The following PLEKHG1 variants were observed in gnomAD, a reference collection of about 807,000 sequenced individuals.
PLEKHG1 encodes pleckstrin homology and RhoGEF domain containing G1.
Under a neutral mutation model 100.8 loss-of-function variants are expected in PLEKHG1, and 44 were observed. That is an observed-to-expected ratio of 0.44 (90% CI 0.34 to 0.56). The LOEUF (loss-of-function observed/expected upper bound fraction) is 0.56, where lower values mean the gene tolerates loss of function less well. PLEKHG1 is among the 20% of genes least tolerant of loss of function. The pLI is 0.01. For synonymous variants in PLEKHG1, 640 were observed against 662.5 expected (o/e 0.97, Z 0.52); for missense variants, 1,545 against 1,720.9 (o/e 0.90, Z 1.81).
rs1256766419 is a variant in PLEKHG1, at chr6:150,674,871, T to TG, written c.-99+24089dup. On this transcript the variant is annotated intron_variant, in intron 3 of 3. Transcript: ENST00000367326. ...CTAATTTTTGTATTTTTAGTAGAGA[T>TG]GGGGTTTCGCCATGTTGGCCAGGCT... Among the ~76,000 whole-genome samples, 3 of 152,028 alleles carry TG rather than the reference T, an allele frequency of 2.0e-5. No individual in the cohort carries two copies. In the South Asian group the frequency reaches 6.3e-4, roughly 32 times the overall value.
At chr6:150,614,204 C>T (rs1471493558) in intron 1 of PLEKHG1, among the ~76,000 whole-genome samples, 1 of 152,176 alleles carries the variant, frequency 6.6e-6, no homozygotes, top group Non-Finnish European at 1.5e-5. Flanking sequence ...TGCTGTAGAG[C>T]TAACACCTTT....
intron 3 of PLEKHG1, among the ~76,000 whole-genome samples, chr6:150,779,368 C>T (rs1785183520): frequency 1.6e-5 from 1 of 64,254 alleles, no homozygotes; most frequent in African/African-American, 2.0e-4. Context: ...TTTTTTGAGA[C>T]AGAGTCTCGT....
intron 3 of PLEKHG1, among the ~76,000 whole-genome samples, chr6:150,773,936 CTT>C (rs1353181635): frequency 6.6e-6 from 1 of 152,016 alleles, no homozygotes; most frequent in East Asian, 1.9e-4. Flanking sequence ...ACTTTTAAAA[CTT>C]TATTCCTAGA....
chr6:150,701,439 ATATATATATATATATATATATATAT>A lies in PLEKHG1; in HGVS notation c.-98-32144_-98-32120del, dbSNP rs1780775889. Among the ~76,000 whole-genome samples the A allele has an allele frequency of 4.3e-5, 3 of 69,764 alleles. No individual in the cohort carries two copies. In the African/African-American group the frequency reaches 4.5e-4, roughly 10 times the overall value. 45.8% of individuals were successfully genotyped at this position (69,764 alleles called of 152,430 possible). A position where few individuals can be genotyped will look rare whatever the true frequency, so the allele number is the denominator to read the frequency against. The stretch of plus-strand genomic sequence containing the variant: ...TCTTTATATATATATATATATATAT[ATATATATATATATATATATATATAT>A]ATAATTATACTTTAAGTTCTAGGGT... On this transcript the variant is annotated intron_variant, in intron 3 of 3. Coordinates refer to the PLEKHG1 transcript ENST00000367326.
intron 1 of PLEKHG1, chr6:150,605,920 C>T (rs945503636): frequency 2.0e-4 from 30 of 152,124 alleles, no homozygotes; most frequent in African/African-American, 7.2e-4. Flanking sequence ...TGTATTTGTG[C>T]TCAATAAATA....
chr6:150,677,283 T>TACACACACACAC (rs756621195), intron 3 of PLEKHG1, among the ~76,000 whole-genome samples: 1 of 134,138 alleles, frequency 7.5e-6, no homozygotes, highest in African/African-American at 2.5e-5. Context: ...TTTCTTCCCC[T>TACACACACACAC]ATACACACAC....
chr6:150,607,460 G>A (rs1002508238), intron 1 of PLEKHG1, among the ~76,000 whole-genome samples: 3 of 152,164 alleles, frequency 2.0e-5, no homozygotes, highest in African/African-American at 7.2e-5. Flanking sequence ...CATGTAACCT[G>A]CTATTAGTTT....
intron 2 of PLEKHG1, among the ~76,000 whole-genome samples, chr6:150,644,258 T>C (rs1778386615): frequency 6.6e-6 from 1 of 151,600 alleles, no homozygotes; most frequent in Non-Finnish European, 1.5e-5. Flanking sequence ...AATTTGGCCC[T>C]ATTAAAGAAC....
chr6:150,821,303 A>T (rs1776282653), intron 13 of PLEKHG1, 70 bp downstream of exon 14: 1 of 961,084 alleles, frequency 1.0e-6, no homozygotes, highest in Non-Finnish European at 1.7e-6. Context: ...CACAAAAATA[A>T]ATAAATACCA....
At chr6:150,784,162 G>A (rs912150223) in intron 3 of PLEKHG1, among the ~76,000 whole-genome samples, 1 of 152,186 alleles carries the variant, frequency 6.6e-6, no homozygotes, top group Non-Finnish European at 1.5e-5. Context: ...CACACTTGGA[G>A]AACTGCTATC....
chr6:150,671,691 CT>C (rs1779590906), intron 3 of PLEKHG1, among the ~76,000 whole-genome samples: 1 of 152,146 alleles, frequency 6.6e-6, no homozygotes, highest in African/African-American at 2.4e-5. Flanking sequence ...GTGGTCAGTG[CT>C]ATGAATGAAG....
At chr6:150,626,420 C>T (rs1173024562) in intron 1 of PLEKHG1, among the ~76,000 whole-genome samples, 3 of 152,110 alleles carry the variant, frequency 2.0e-5, no homozygotes, top group Admixed American at 6.5e-5. Context: ...ATTGACGCCT[C>T]GGGATCAGGA....
chr6:150,827,636 G>C, intron 14 of PLEKHG1: 1 of 804,388 alleles, frequency 1.2e-6, no homozygotes, highest in Non-Finnish European at 2.2e-6. Context: ...CGGCACAGCT[G>C]GCTTGAGCAA....
intron 3 of PLEKHG1, chr6:150,662,855 A>G (rs1279609147): frequency 1.3e-5 from 2 of 152,204 alleles, no homozygotes; most frequent in Non-Finnish European, 2.9e-5. Flanking sequence ...ACCTCGAGAC[A>G]AGTGTCAACT....
chr6:150,809,561 T>C, intron 9 of PLEKHG1, 85 bp downstream of exon 10: 1 of 1,484,964 alleles, frequency 6.7e-7, no homozygotes. Flanking sequence ...GAGAGCGTTC[T>C]GGCCACATGG....
rs1370435042 is a variant in PLEKHG1, at chr6:150,831,777, C to T, written c.2666C>T (p.Ser889Phe). The T allele has an allele frequency of 1.2e-6, 2 of 1,613,384 alleles. No homozygotes were observed. Among genetic ancestry groups the T allele is most frequent in the East Asian group, 4.5e-5 (2 of 44,874 alleles). Residue 889 changes from serine to phenylalanine, a missense_variant, in exon 15 of 16, where the codon TCC (serine) becomes TTC (phenylalanine). By Grantham distance (155) the Ser-to-Phe change is radical (BLOSUM62 -2). Transcript: ENST00000358517. The surrounding 1 kb of genome is among the most constrained non-coding windows in gnomAD (Gnocchi z 4.1). ...AGCCGGGACGTGGGGCGCTCTGTGT[C>T]CACGCTGTCCCTGCCTGAGAGCCAG... is the stretch of plus-strand genomic sequence containing the variant.
intron 2 of PLEKHG1, among the ~76,000 whole-genome samples, chr6:150,745,558 C>T (rs946614011): frequency 6.6e-6 from 1 of 151,960 alleles, no homozygotes; most frequent in African/African-American, 2.4e-5. Flanking sequence ...TGGCAGGCAC[C>T]TGTAATCCCA....
chr6:150,686,470 C>T (rs370331526), intron 3 of PLEKHG1, among the ~76,000 whole-genome samples: 181 of 152,218 alleles, frequency 1.2e-3, no homozygotes, highest in African/African-American at 3.9e-3. Flanking sequence ...GTACATGCCC[C>T]GCCTCAGCCC....
At chr6:150,761,099 CTTTTTTTTTTTTTTTTT>C (rs35068801) in intron 2 of PLEKHG1, among the ~76,000 whole-genome samples, 1 of 95,912 alleles carries the variant, frequency 1.0e-5, no homozygotes, top group Non-Finnish European at 2.0e-5. Flanking sequence ...TTCTTTTTTT[CTTTTTTTTTTTTTTTTT>C]TTTTTTTGAG....
Sources: gnomAD v4.1 joint callset for allele counts (sites outside exome capture counted in the v4.1 genomes callset) on GRCh38, gnomAD v4.1.1 for gene constraint, Gnocchi (gnomAD v3.1) non-coding constraint, MANE v1.5 for transcripts, NCBI Gene and HGNC (gene_info 2026-07-23, HGNC 2026-07-21) for gene names.